Variants in MYH7 observed in about 807,000 individuals in gnomAD.
The protein encoded by MYH7 is myosin heavy chain 7.
In MYH7, 129 loss-of-function variants were observed where a neutral mutation model predicts 225.4. The ratio of observed to expected loss-of-function variants is 0.57; its 90% confidence interval spans 0.50 to 0.66. The LOEUF (loss-of-function observed/expected upper bound fraction) is 0.66, where lower values mean the gene tolerates loss of function less well. Among genes scored for constraint, MYH7 ranks in the 30% least tolerant of loss-of-function variants. The probability of loss-of-function intolerance (pLI) is 0.00; values close to 1 mark genes in which losing one functional copy is unlikely to be tolerated. For synonymous variants in MYH7, 971 were observed against 1,007.6 expected (o/e 0.96, Z 0.69); for missense variants, 1,649 against 2,517.0 (o/e 0.66, Z 7.38).
intron 1 of MYH7, among the ~76,000 whole-genome samples, chr14:23,435,155 G>A (rs1183281374): frequency 1.3e-5 from 2 of 152,028 alleles, no homozygotes; most frequent in African/African-American, 4.8e-5. Flanking sequence ...TGCATGCATG[G>A]ACAGGGGTAG....
At chr14:23,434,061 C>T in intron 2 of MYH7, 133 bp downstream of exon 2, 1 of 579,628 alleles carries the variant, frequency 1.7e-6, no homozygotes, top group South Asian at 2.2e-5. Context: ...CCCCTGGTCA[C>T]AGGTAAGTAG....
At position 23,415,335 on chromosome 14, in the gene MYH7, C is replaced by T. The variant is rs200205856; in HGVS notation, c.5283+46G>A. The T allele has an allele frequency of 5.7e-4, 924 of 1,614,230 alleles. 5 individuals are homozygous for T. Among genetic ancestry groups the T allele is most frequent in the South Asian group, 1.6e-3 (146 of 91,086 alleles). Reference sequence around the variant, plus strand: ...CCTCACACACTTGCTGCCCAGCCCACGGAGAGACACTGGTCTGGATCGGGT... The same window carrying T: ...CCTCACACACTTGCTGCCCAGCCCATGGAGAGACACTGGTCTGGATCGGGT... On this transcript the variant is annotated intron_variant, in intron 36 of 39. Coordinates refer to ENST00000355349, the MANE Select transcript of MYH7 (RefSeq NM_000257.4). This position sits in a 1 kb window ranked among gnomAD's most constrained non-coding sequence, Gnocchi z 6.3.
intron 1 of MYH7, 52 bp from the exon 2 acceptor site, chr14:23,434,301 G>A: frequency 1.0e-6 from 1 of 988,666 alleles, no homozygotes; most frequent in Non-Finnish European, 1.2e-6. Context: ...AACCTGACCA[G>A]TCCCACCTTC....
Position 23,425,372 on chromosome 14 carries a change from T to A in MYH7, c.2333A>T (p.Asp778Val), listed in dbSNP as rs121913634. 6.2e-7 allele frequency: 1 copy of A among 1,614,016 alleles called. No individual in the cohort carries two copies. Among genetic ancestry groups the A allele is most frequent in the Non-Finnish European group, 8.5e-7 (1 of 1,180,044 alleles). The change falls in exon 21 of 40, where the codon GAC becomes GTC. Residue 778 changes from aspartate to valine, a missense_variant. Physicochemically the swap from Asp to Val is radical, Grantham distance 152. Around this residue, in one of 12 missense-constraint regions of MYH7, gnomAD observed 41 missense variants for 124.8 expected, o/e 0.33. Coordinates refer to ENST00000355349, the MANE Select transcript of MYH7 (RefSeq NM_000257.4). This position sits in a 1 kb window ranked among gnomAD's most constrained non-coding sequence, Gnocchi z 4.6. ...GLLGLLEEMR[D>V]ERLSRIITRI... The stretch of plus-strand genomic sequence containing the variant: ...CGTGATGATGCGGCTCAGCCTCTCG[T>A]CCCTCATTTCCTCCAGCAGCCCCAG...
chr14:23,419,792 A>C (rs981754168), intron 27 of MYH7, 53 bp downstream of exon 27: 3 of 1,613,984 alleles, frequency 1.9e-6, no homozygotes, highest in Non-Finnish European at 2.5e-6. Flanking sequence ...ACATGGACAG[A>C]AAGGGGAGGT....
Position 23,433,474 on chromosome 14 carries a change from C to T in MYH7, c.201+58G>A, listed in dbSNP as rs45547736. On this transcript the variant is annotated intron_variant, in intron 3 of 39. Transcript: ENST00000355349. The surrounding 1 kb of genome is among the most constrained non-coding windows in gnomAD (Gnocchi z 4.1). ...GCATGGGGCATGGGTGTACCCCTCTCTGTCCACCCAGGTGTACAGGTGGCC... is the reference window on the plus strand; with the variant it reads ...GCATGGGGCATGGGTGTACCCCTCTTTGTCCACCCAGGTGTACAGGTGGCC... 7 of 1,567,772 alleles carry T rather than the reference C, an allele frequency of 4.5e-6. No individual in the cohort carries two copies. The African/African-American group carries it at 8.1e-5, about 18-fold the overall frequency.
In MYH7 at chr14:23,418,422, C is replaced by T. The variant is rs1203325651; in HGVS notation, c.3973-16G>A. 1 of 1,597,434 alleles carries T rather than the reference C, an allele frequency of 6.3e-7. No homozygotes were observed. Among genetic ancestry groups the T allele is most frequent in the Non-Finnish European group, 8.5e-7 (1 of 1,170,972 alleles). ...CGTTCTTCGCCTGGGGAGGGGTGGG[C>T]ACCAGGAGGTGGGTTCAGCTTTCTC... On this transcript the variant is annotated splice_polypyrimidine_tract_variant and intron_variant, in intron 29 of 39. Transcript: ENST00000355349.
intron 29 of MYH7, 74 bp from the exon 30 acceptor site, chr14:23,418,480 A>G: frequency 6.7e-7 from 1 of 1,481,976 alleles, no homozygotes; most frequent in Non-Finnish European, 9.0e-7. Context: ...CCTTCTCCTC[A>G]CCCCAATCTC....
intron 22 of MYH7, 68 bp downstream of exon 22, chr14:23,424,701 A>T (rs1892621056): frequency 6.2e-7 from 1 of 1,607,940 alleles, no homozygotes; most frequent in Admixed American, 1.7e-5. Flanking sequence ...CTGTGCAGGG[A>T]GGTGCAGGGT....
rs1892238660 is a variant in MYH7 at position 23,416,961 on chromosome 14, A to G, written c.4551T>C (p.Gly1517=). Residue 1517 remains glycine, a synonymous_variant, in exon 33 of 40, where the codon GGT becomes GGC. Transcript: ENST00000355349. ...EEISDLTEQL[G]SSGKTIHELE... is the part of the protein sequence containing the mutation. The stretch of plus-strand genomic sequence containing the variant: ...GCTCATGGATAGTCTTTCCGCTGGA[A>G]CCCAACTGCTCAGTCAAGTCGGAGA... The G allele has an allele frequency of 1.2e-6, 2 of 1,614,170 alleles. No individual in the cohort carries two copies. The highest frequency in any genetic ancestry group is 1.1e-5 in the South Asian group (1 of 91,076).
At chr14:23,418,848 T>C (rs1441512780) in intron 29 of MYH7, among the ~76,000 whole-genome samples, 1 of 152,154 alleles carries the variant, frequency 6.6e-6, no homozygotes, top group Admixed American at 6.5e-5. Context: ...TTTCTCCAGT[T>C]TTCAGGTGGC....
rs200000290 is a variant in MYH7 at position 23,419,535 on chromosome 14, C to T, written c.3801G>A (p.Gln1267=). ...NEHRSKAEET[Q]RSVNDLTSQR... ...GGCTGGTGAGGTCGTTGACAGAACG[C>T]TGGGTCTCCTCCGCCTTGCTCCGGT... is the stretch of plus-strand genomic sequence containing the variant. Residue 1267 remains glutamine (Q), a synonymous_variant, in exon 28 of 40, where the codon CAG becomes CAA. Coordinates refer to ENST00000355349, the MANE Select transcript of MYH7 (RefSeq NM_000257.4). The T allele has an allele frequency of 6.2e-7, 1 of 1,614,074 alleles. No homozygotes were observed. The highest frequency in any genetic ancestry group is 8.5e-7 in the Non-Finnish European group (1 of 1,180,020).
intron 27 of MYH7, 103 bp downstream of exon 27, chr14:23,419,742 G>T: frequency 6.2e-7 from 1 of 1,612,720 alleles, no homozygotes; most frequent in Non-Finnish European, 8.5e-7. Context: ...CCAGGCAGAG[G>T]AAGGGAAGTG....
At chr14:23,414,127 G>T (rs1440127169) in intron 37 of MYH7, 25 bp from the exon 38 acceptor site, 4 of 1,599,982 alleles carry the variant, frequency 2.5e-6, no homozygotes, top group Non-Finnish European at 3.4e-6. Flanking sequence ...GTAGGCAGGG[G>T]GTGAAGATGG....
Position 23,415,368 on chromosome 14 carries a change from G to A in MYH7, c.5283+13C>T, listed in dbSNP as rs2138639162. The A allele has an allele frequency of 6.2e-7, 1 of 1,614,210 alleles. No individual in the cohort carries two copies. Among genetic ancestry groups the A allele is most frequent in the Non-Finnish European group, 8.5e-7 (1 of 1,180,050 alleles). ...CACTGGTCTGGATCGGGTCGGTGGA[G>A]TGGGGGACTTACATCCGTGATGGCC... On this transcript the variant is annotated intron_variant, in intron 36 of 39. Transcript: ENST00000355349. The surrounding 1 kb of genome is among the most constrained non-coding windows in gnomAD (Gnocchi z 6.3).
Position 23,426,838 on chromosome 14 carries a change from G to A in MYH7, c.1983C>T (p.Asn661=), listed in dbSNP as rs146474860. Residue 661 remains asparagine, a synonymous_variant, in exon 18 of 40, where the codon AAC becomes AAT. Transcript: ENST00000355349. ...CAAAGTGGGGATGGGTGGAGCGCAA[G>A]TTGGTCATCAGCTTGTTCAGATTTT... ...HRENLNKLMT[N]LRSTHPHFVR... 143 of 1,613,970 alleles carry A rather than the reference G, an allele frequency of 8.9e-5. No individual in the cohort carries two copies. Among genetic ancestry groups the A allele is most frequent in the Non-Finnish European group, 1.2e-4 (138 of 1,180,034 alleles).
Position 23,415,557 on chromosome 14 carries a change from C to A in MYH7, c.5158-51G>T. 6.2e-6 allele frequency: 10 copies of A among 1,614,026 alleles called. No homozygotes were observed. The highest frequency in any genetic ancestry group is 8.5e-6 in the Non-Finnish European group (10 of 1,180,026). The stretch of plus-strand genomic sequence containing the variant: ...GCAGGAAAAGCATTGAGCATCTATG[C>A]ATAGCTCTCAAGCCTTGCTTGCTGA... On this transcript the variant is annotated intron_variant, in intron 35 of 39. Transcript: ENST00000355349. The surrounding 1 kb of genome is among the most constrained non-coding windows in gnomAD (Gnocchi z 6.3).
At chr14:23,430,499 A>C (rs1019796093) in intron 11 of MYH7, 61 bp downstream of exon 11, 2 of 1,340,366 alleles carry the variant, frequency 1.5e-6, no homozygotes, top group African/African-American at 1.4e-5. Flanking sequence ...CTGCTTTTGG[A>C]CCCCTGTTTG....
At chr14:23,422,586 T>TATCTC (rs746546464) in intron 24 of MYH7, among the ~76,000 whole-genome samples, 1 of 148,504 alleles carries the variant, frequency 6.7e-6, no homozygotes, top group Non-Finnish European at 1.5e-5. Flanking sequence ...TTTCTTTCTT[T>TATCTC]CTTTCTTTCT....
Sources: allele counts gnomAD v4.1 joint callset (sites outside exome capture counted in the v4.1 genomes callset), GRCh38; gene constraint gnomAD v4.1.1; regional missense constraint gnomAD v4.1.1; non-coding constraint Gnocchi (gnomAD v3.1); transcripts MANE v1.5; gene names NCBI Gene and HGNC (gene_info 2026-07-23, HGNC 2026-07-21).